Variants in SMAP1 observed in about 807,000 individuals in gnomAD.
SMAP1 encodes small ArfGAP 1.
In SMAP1, 24 loss-of-function variants were observed where a neutral mutation model predicts 58.5. The ratio of observed to expected loss-of-function variants is 0.41; its 90% CI spans 0.30 to 0.58. SMAP1 has a LOEUF of 0.58. Ranked by LOEUF, SMAP1 falls within the 20% of genes least tolerant of loss-of-function variation. The probability of loss-of-function intolerance (pLI) is 0.29; values close to 1 mark genes in which losing one functional copy is unlikely to be tolerated. For missense variants in SMAP1, 563 were observed against 566.3 expected (o/e 0.99, Z 0.06); for synonymous variants, 216 against 196.6 (o/e 1.10, Z -0.82).
chr6:70,781,808 T>C (rs1708070840), intron 4 of SMAP1, among the ~76,000 whole-genome samples: 2 of 152,174 alleles, frequency 1.3e-5, no homozygotes, highest in Admixed American at 6.5e-5. Flanking sequence ...TTCTTGTAGG[T>C]GGGAGTTGGG....
intron 3 of SMAP1, chr6:70,759,993 G>A: frequency 3.4e-6 from 1 of 291,700 alleles, no homozygotes; most frequent in Non-Finnish European, 7.2e-6. Flanking sequence ...GGAGTGGGGT[G>A]GGAAGGATGA....
chr6:70,750,303 A>T (rs531065304), intron 2 of SMAP1, among the ~76,000 whole-genome samples: 2 of 152,294 alleles, frequency 1.3e-5, no homozygotes, highest in East Asian at 3.9e-4. Context: ...TTACTCATTG[A>T]TTCTACCTAC....
chr6:70,725,329 G>A (rs1049923863), intron 1 of SMAP1, among the ~76,000 whole-genome samples: 4 of 151,682 alleles, frequency 2.6e-5, no homozygotes, highest in African/African-American at 9.7e-5. Context: ...TGTTAACCAG[G>A]ATGGTCTTGA....
chr6:70,690,385 C>CA (rs1767110427), intron 1 of SMAP1, among the ~76,000 whole-genome samples: 1 of 152,020 alleles, frequency 6.6e-6, no homozygotes, highest in Admixed American at 6.5e-5. Flanking sequence ...CGGCTCACTG[C>CA]AACCTCCGCC....
At chr6:70,730,103 G>A (rs1034038084) in intron 1 of SMAP1, among the ~76,000 whole-genome samples, 2 of 151,956 alleles carry the variant, frequency 1.3e-5, no homozygotes, top group African/African-American at 4.8e-5. Context: ...TGACTAGAGT[G>A]CGGTGGTACC....
chr6:70,677,727 T>C (rs1766544261), intron 1 of SMAP1, among the ~76,000 whole-genome samples: 1 of 152,158 alleles, frequency 6.6e-6, no homozygotes, highest in African/African-American at 2.4e-5. Flanking sequence ...CATCAAACTT[T>C]TATAGTTTTT....
chr6:70,810,301 G>A (rs995617456), intron 6 of SMAP1, among the ~76,000 whole-genome samples: 1 of 152,042 alleles, frequency 6.6e-6, no homozygotes, highest in East Asian at 1.9e-4. Flanking sequence ...ACACCAATGT[G>A]CCTGTCTCTC....
intron 6 of SMAP1, among the ~76,000 whole-genome samples, chr6:70,824,832 A>G (rs1770045471): frequency 6.6e-6 from 1 of 152,190 alleles, no homozygotes; most frequent in African/African-American, 2.4e-5. Flanking sequence ...TTTCTCTGTC[A>G]TCATTTTTAC....
chr6:70,711,082 A>G (rs904573141), intron 1 of SMAP1, among the ~76,000 whole-genome samples: 5 of 152,176 alleles, frequency 3.3e-5, no homozygotes, highest in Admixed American at 6.5e-5. Flanking sequence ...AGGCTATTTT[A>G]CAGTTAACTT....
At chr6:70,799,450 T>C (rs1181148740) in intron 6 of SMAP1, among the ~76,000 whole-genome samples, 1 of 152,154 alleles carries the variant, frequency 6.6e-6, no homozygotes, top group East Asian at 1.9e-4. Flanking sequence ...AGTGAGAATG[T>C]TGTACTTTGT....
chr6:70,682,137 A>G (rs910374546), intron 1 of SMAP1, among the ~76,000 whole-genome samples: 3 of 148,970 alleles, frequency 2.0e-5, no homozygotes, highest in Middle Eastern at 3.6e-3. Flanking sequence ...ATAGTGGGAC[A>G]TCATAGGGGA....
Position 70,691,153 on chromosome 6 carries a change from C to G in SMAP1, c.118+23012C>G, listed in dbSNP as rs920079529. Reference sequence around the variant, plus strand: ...TGTAGAATCTGTAGTAATGTCTCTTCTATCATTGCTGATATTGGTAGTTTG... The same window carrying G: ...TGTAGAATCTGTAGTAATGTCTCTTGTATCATTGCTGATATTGGTAGTTTG... On this transcript the variant is annotated intron_variant, in intron 1 of 10. Coordinates refer to ENST00000370455, the MANE Select transcript of SMAP1 (RefSeq NM_001044305.3). Among the ~76,000 whole-genome samples, 26 of 152,160 alleles carry G rather than the reference C, an allele frequency of 1.7e-4. 1 individual carries two copies.
intron 7 of SMAP1, among the ~76,000 whole-genome samples, chr6:70,848,019 C>A (rs1016311665): frequency 6.6e-6 from 1 of 152,114 alleles, no homozygotes. Flanking sequence ...AAGCTTTATG[C>A]TTTCTAAATG....
At chr6:70,762,120 A>AG (rs1193103724) in intron 3 of SMAP1, among the ~76,000 whole-genome samples, 2 of 152,086 alleles carry the variant, frequency 1.3e-5, no homozygotes, top group Non-Finnish European at 2.9e-5. Flanking sequence ...TCCTTCGAAA[A>AG]TCTTTAGATT....
At chr6:70,814,620 C>G (rs1218981337) in intron 6 of SMAP1, among the ~76,000 whole-genome samples, 1 of 152,098 alleles carries the variant, frequency 6.6e-6, no homozygotes, top group Non-Finnish European at 1.5e-5. Flanking sequence ...AGTATACCAT[C>G]TGATTTCGTC....
intron 3 of SMAP1, among the ~76,000 whole-genome samples, chr6:70,765,583 A>G (rs1040481106): frequency 3.1e-4 from 47 of 152,216 alleles, no homozygotes; most frequent in African/African-American, 9.4e-4. Context: ...TGTATTGAGC[A>G]CCTCCTACCA....
At chr6:70,768,401 G>A (rs1458150236) in intron 3 of SMAP1, among the ~76,000 whole-genome samples, 4 of 152,272 alleles carry the variant, frequency 2.6e-5, no homozygotes, top group East Asian at 1.9e-4. Flanking sequence ...TGGTTGGTAA[G>A]CTATTGATTA....
chr6:70,740,478 A>C (rs1765769668), intron 2 of SMAP1, among the ~76,000 whole-genome samples: 1 of 82,490 alleles, frequency 1.2e-5, no homozygotes, highest in African/African-American at 7.3e-5. Flanking sequence ...AAAAAAAAAA[A>C]CAAAAAAAAA....
chr6:70,795,004 G>A (rs1466147869), intron 5 of SMAP1, among the ~76,000 whole-genome samples: 1 of 151,920 alleles, frequency 6.6e-6, no homozygotes, highest in Non-Finnish European at 1.5e-5. Flanking sequence ...TAGCCCGGAT[G>A]GTCTCGATTT....
Sources: gnomAD v4.1 joint callset for allele counts (sites outside exome capture counted in the v4.1 genomes callset) on GRCh38, gnomAD v4.1.1 for gene constraint, MANE v1.5 for transcripts, NCBI Gene and HGNC (gene_info 2026-07-23, HGNC 2026-07-21) for gene names.